YAF2: variants seen among roughly 807,000 people sequenced by gnomAD.
YAF2 encodes the protein YY1-associated factor 2.
Under a neutral mutation model 20.1 loss-of-function variants are expected in YAF2, and 7 were observed. The observed-to-expected ratio is 0.35, with a 90% CI of 0.20 to 0.65. The LOEUF is 0.65. Among genes scored for constraint, YAF2 ranks in the 30% least tolerant of loss-of-function variants. The pLI is 0.69. For missense variants in YAF2, 151 were observed against 219.2 expected (o/e 0.69, Z 1.96); for synonymous variants, 74 against 76.0 (o/e 0.97, Z 0.14).
chr12:42,212,107 GA>G, intron 2 of YAF2, among the ~76,000 whole-genome samples: 1 of 151,746 alleles, frequency 6.6e-6, no homozygotes, highest in East Asian at 1.9e-4. Flanking sequence ...GCCAGTCATT[GA>G]AAAATATTAA....
chr12:42,162,796 A>G (rs2065827446), intron 2 of YAF2, among the ~76,000 whole-genome samples: 1 of 152,234 alleles, frequency 6.6e-6, no homozygotes, highest in Non-Finnish European at 1.5e-5. Flanking sequence ...TGTAAAGCAG[A>G]TATCAGGAGA....
intron 2 of YAF2, chr12:42,199,137 A>C: frequency 7.0e-6 from 9 of 1,287,322 alleles, no homozygotes; most frequent in Non-Finnish European, 9.1e-6. Flanking sequence ...ACAGCTTACC[A>C]GACTGTCCAA....
chr12:42,206,769 C>T (rs1413630958), intron 2 of YAF2, among the ~76,000 whole-genome samples: 2 of 152,076 alleles, frequency 1.3e-5, no homozygotes, highest in Non-Finnish European at 1.5e-5. Flanking sequence ...TCCCACTGTG[C>T]CTACCTGCTT....
chr12:42,192,341 C>CCA (rs368412248), intron 2 of YAF2, among the ~76,000 whole-genome samples: 1,788 of 151,848 alleles, frequency 0.012, 22 homozygotes, highest in Non-Finnish European at 0.02. Flanking sequence ...GACCTCATCT[C>CCA]CACACACACA....
chr12:42,198,912 A>T (rs997310511), intron 2 of YAF2, among the ~76,000 whole-genome samples: 5 of 152,242 alleles, frequency 3.3e-5, no homozygotes, highest in African/African-American at 1.2e-4. Context: ...AAATGTGGCT[A>T]GTTCAAGTTA....
intron 2 of YAF2, among the ~76,000 whole-genome samples, chr12:42,186,326 C>G (rs1044028130): frequency 2.0e-5 from 3 of 151,562 alleles, no homozygotes; most frequent in African/African-American, 7.3e-5. Flanking sequence ...GGCACTCCAG[C>G]CTAGGTGACC....
intron 2 of YAF2, chr12:42,232,295 G>C: frequency 5.5e-6 from 3 of 544,444 alleles, no homozygotes; most frequent in Non-Finnish European, 7.0e-6. Context: ...CACCATCACA[G>C]TGAAAAAGGC....
chr12:42,160,665 T>C lies in YAF2; in HGVS notation c.467A>G (p.Asp156Gly), dbSNP rs1275179923. ...DQHSQSGSSS[D>G]NTERGMSRSS... ...CCTGGACATTCCTCTCTCTGTGTTA[T>C]CAGAGCTAGAGCCGCTTTGACTGTG... is the stretch of plus-strand genomic sequence containing the variant. Residue 156 changes from aspartate (D) to glycine (G), a missense_variant, in exon 4 of 4, where the codon GAT (aspartate) becomes GGT (glycine). Physicochemically the swap from Asp to Gly is moderately conservative, Grantham distance 94. Transcript: ENST00000534854. 6.2e-7 allele frequency: 1 copy of C among 1,613,770 alleles called. No homozygotes were observed. Among genetic ancestry groups the C allele is most frequent in the East Asian group, 2.2e-5 (1 of 44,888 alleles).
At chr12:42,202,561 GGA>G (rs2066927803) in intron 2 of YAF2, among the ~76,000 whole-genome samples, 1 of 152,124 alleles carries the variant, frequency 6.6e-6, no homozygotes, top group African/African-American at 2.4e-5. Flanking sequence ...ATTAAGTCTG[GGA>G]GAGAGTCATC....
intron 2 of YAF2, among the ~76,000 whole-genome samples, chr12:42,225,511 G>A (rs533300290): frequency 2.2e-4 from 34 of 152,252 alleles, no homozygotes; most frequent in Non-Finnish European, 4.1e-4. Flanking sequence ...TATGGTTTTA[G>A]GTCTTATGTT....
At chr12:42,183,730 A>G (rs2066402106) in intron 2 of YAF2, among the ~76,000 whole-genome samples, 1 of 152,252 alleles carries the variant, frequency 6.6e-6, no homozygotes, top group South Asian at 2.1e-4. Context: ...TATACAGAAG[A>G]TCTAGCTAAG....
intron 2 of YAF2, among the ~76,000 whole-genome samples, chr12:42,168,175 A>ATTT (rs972399859): frequency 4.8e-5 from 6 of 125,964 alleles, no homozygotes; most frequent in East Asian, 4.5e-4. Context: ...GAAAGACAGC[A>ATTT]TTTTTTTTTT....
At chr12:42,192,513 A>G (rs1027384673) in intron 2 of YAF2, among the ~76,000 whole-genome samples, 1 of 152,182 alleles carries the variant, frequency 6.6e-6, no homozygotes, top group East Asian at 1.9e-4. Context: ...TGTCTCAAAC[A>G]AAACAAAACA....
rs780537969 is a variant in YAF2 at position 42,160,441 on chromosome 12, C to T, written c.*148G>A. On this transcript the variant is annotated 3_prime_UTR_variant, in exon 4 of 4. Coordinates refer to ENST00000534854, the MANE Select transcript of YAF2 (RefSeq NM_005748.6). ...TAGGCATCATTGCAATAAAATCTAA[C>T]AAATTCTAACAAATTTCTATTTTAT... The T allele has an allele frequency of 1.5e-6, 1 of 657,976 alleles. No individual in the cohort carries two copies. Among genetic ancestry groups the T allele is most frequent in the Non-Finnish European group, 2.5e-6 (1 of 395,012 alleles). 40.8% of individuals were successfully genotyped at this position (657,976 alleles called of 1,614,324 possible). A position where few individuals can be genotyped will look rare whatever the true frequency, so the allele number is the denominator to read the frequency against.
intron 3 of YAF2, 116 bp from the exon 4 acceptor site, chr12:42,160,942 T>C (rs2065786696): frequency 1.3e-6 from 1 of 767,568 alleles, no homozygotes; most frequent in Admixed American, 2.9e-5. Flanking sequence ...TTTAAGGCAA[T>C]TTATGTGTAA....
chr12:42,204,980 T>C (rs558919100), intron 2 of YAF2, among the ~76,000 whole-genome samples: 8 of 151,898 alleles, frequency 5.3e-5, no homozygotes, highest in Admixed American at 4.6e-4. Flanking sequence ...TCTGTAAAAA[T>C]ACTAAAACCT....
chr12:42,235,921 C>A (rs953461124), intron 2 of YAF2: 1 of 1,536,014 alleles, frequency 6.5e-7, no homozygotes, highest in Non-Finnish European at 8.7e-7. Flanking sequence ...CCACCACCTA[C>A]TCTATTTCTC....
chr12:42,176,236 T>A (rs896835966), intron 2 of YAF2, among the ~76,000 whole-genome samples: 1 of 149,070 alleles, frequency 6.7e-6, no homozygotes, highest in Non-Finnish European at 1.5e-5. Flanking sequence ...AAAATCCACC[T>A]GGATGTCTAT....
At chr12:42,164,746 A>T (rs979314208) in intron 2 of YAF2, among the ~76,000 whole-genome samples, 1 of 152,106 alleles carries the variant, frequency 6.6e-6, no homozygotes, top group Non-Finnish European at 1.5e-5. Context: ...AACGCCCAAA[A>T]ATCTAACCTA....
Sources: gnomAD v4.1 joint callset for allele counts (sites outside exome capture counted in the v4.1 genomes callset) on GRCh38, gnomAD v4.1.1 for gene constraint, MANE v1.5 for transcripts, NCBI Gene and HGNC (gene_info 2026-07-23, HGNC 2026-07-21) for gene names.